The following SYTL1 variants were observed in gnomAD, a reference collection of about 807,000 sequenced individuals.
The protein encoded by SYTL1 is synaptotagmin like 1.
A neutral mutation model predicts 74.6 loss-of-function variants in SYTL1; 53 were observed. The observed-to-expected ratio is 0.71, with a 90% CI of 0.57 to 0.89. The LOEUF (loss-of-function observed/expected upper bound fraction) is 0.89, where lower values mean the gene tolerates loss of function less well. SYTL1 is among the 40% of genes least tolerant of loss of function. SYTL1 has a pLI of 0.00. For missense variants in SYTL1, 728 were observed against 768.7 expected (o/e 0.95, Z 0.63); for synonymous variants, 329 against 324.9 (o/e 1.01, Z -0.14).
rs903664976 is a variant in SYTL1 at position 27,342,535 on chromosome 1, A to T, written c.-39+385A>T. Among the ~76,000 whole-genome samples the T allele has an allele frequency of 6.6e-6, 1 of 152,088 alleles. No individual in the cohort carries two copies. Among genetic ancestry groups the T allele is most frequent in the Non-Finnish European group, 1.5e-5 (1 of 68,022 alleles). On this transcript the variant is annotated intron_variant, in intron 1 of 14. Transcript: ENST00000616558. This position sits in a 1 kb window ranked among gnomAD's most constrained non-coding sequence, Gnocchi z 4.7. The stretch of plus-strand genomic sequence containing the variant: ...CCTCCATCCACACTCAGACACACAC[A>T]CCTGGTGGCCCCCAAGGCACCAGGG...
At chr1:27,344,537 G>C (rs1198493146) in intron 1 of SYTL1, among the ~76,000 whole-genome samples, 1 of 150,150 alleles carries the variant, frequency 6.7e-6, no homozygotes, top group African/African-American at 2.4e-5. Flanking sequence ...CACCGCGCCT[G>C]GCCACTGTGT....
intron 1 of SYTL1, among the ~76,000 whole-genome samples, chr1:27,344,396 T>C (rs530066378): frequency 7.1e-4 from 108 of 151,728 alleles, no homozygotes; most frequent in Middle Eastern, 6.8e-3. Context: ...AGCCACTGTA[T>C]CTGGCCATAA....
chr1:27,351,443 AG>A lies in SYTL1; in HGVS notation c.1244-12del. 1 of 1,516,924 alleles carries A rather than the reference AG, an allele frequency of 6.6e-7. No individual in the cohort carries two copies. Among genetic ancestry groups the A allele is most frequent in the South Asian group, 1.3e-5 (1 of 79,792 alleles). 94.0% of individuals were successfully genotyped at this position (1,516,924 alleles called of 1,614,324 possible). ...TCCATCCGTGTGCGGGCCTGAGCCG[AG>A]CCTCTCCGCAGGCGCAGGACTGCCC... On this transcript the variant is annotated splice_polypyrimidine_tract_variant and intron_variant, in intron 12 of 14. Transcript: ENST00000616558. This position sits in a 1 kb window ranked among gnomAD's most constrained non-coding sequence, Gnocchi z 5.0.
At position 27,347,500 on chromosome 1, in the gene SYTL1, C is replaced by T. The variant is rs767919219; in HGVS notation, c.271C>T (p.Arg91Trp). Residue 91 changes from arginine (R) to tryptophan (W), a missense_variant, in exon 3 of 15, where the codon CGG becomes TGG. Coordinates refer to ENST00000616558, the MANE Select transcript of SYTL1 (RefSeq NM_001193308.2). The surrounding 1 kb of genome is among the most constrained non-coding windows in gnomAD (Gnocchi z 4.9). ...CTGGTTCCAGGAAGCACGCTCCCAG[C>T]GGCACCACAATGCCCACTTCGGCTC... ...GDWFQEARSQ[R>W]HHNAHFGSDL... is the part of the protein sequence containing the mutation. The T allele has an allele frequency of 9.9e-6, 16 of 1,613,986 alleles. No homozygotes were observed. Among genetic ancestry groups the T allele is most frequent in the African/African-American group, 5.3e-5 (4 of 74,940 alleles).
At position 27,349,749 on chromosome 1, in the gene SYTL1, G is replaced by C. The variant is rs1303220386; in HGVS notation, c.731G>C (p.Ser244Thr). The C allele has an allele frequency of 1.2e-6, 2 of 1,604,842 alleles. No homozygotes were observed. Among genetic ancestry groups the C allele is most frequent in the Admixed American group, 1.7e-5 (1 of 59,800 alleles). The change falls in exon 8 of 15, where the codon AGC (serine) becomes ACC (threonine). Residue 244 changes from serine to threonine, a missense_variant. Physicochemically the swap from Ser to Thr is moderately conservative, Grantham distance 58. Coordinates refer to ENST00000616558, the MANE Select transcript of SYTL1 (RefSeq NM_001193308.2). ...CTCAGCAGCAGCTCCTCGGTGTCCA[G>C]CCTTAACTCCTCCACGGTGAGGCGG... is the stretch of plus-strand genomic sequence containing the variant. ...RMLSSSSSVS[S>T]LNSSTLSGSQ... is the part of the protein sequence containing the mutation.
chr1:27,348,147 C>A lies in SYTL1; in HGVS notation c.459+135C>A. 1.2e-6 allele frequency: 1 copy of A among 832,366 alleles called. No individual in the cohort carries two copies. Among genetic ancestry groups the A allele is most frequent in the Non-Finnish European group, 2.0e-6 (1 of 500,166 alleles). 51.6% of individuals were successfully genotyped at this position (832,366 alleles called of 1,614,324 possible). A position where few individuals can be genotyped will look rare whatever the true frequency, so the allele number is the denominator to read the frequency against. On this transcript the variant is annotated intron_variant, in intron 5 of 14. Coordinates refer to ENST00000616558, the MANE Select transcript of SYTL1 (RefSeq NM_001193308.2). This position sits in a 1 kb window ranked among gnomAD's most constrained non-coding sequence, Gnocchi z 4.1. ...GTTCCTTCCTGTGTCTGCACCTCAT[C>A]ACCTCCTGGGTGGAACAGTGGTGAA...
intron 13 of SYTL1, chr1:27,352,106 G>C (rs2015302960): frequency 6.6e-6 from 1 of 152,226 alleles, no homozygotes; most frequent in African/African-American, 2.4e-5. Context: ...TTAAGAGGCT[G>C]AGGCGGGTGG....
At position 27,345,219 on chromosome 1, in the gene SYTL1, G is replaced by A. The variant is rs1421864798; in HGVS notation, c.-38-78G>A. ...CCTACCCATACCCGGCCAAGTGTTT[G>A]GGGAGAAAAGGGCTGTTGGTTCTAG... is the stretch of plus-strand genomic sequence containing the variant. On this transcript the variant is annotated intron_variant, in intron 1 of 14. Coordinates refer to ENST00000616558, the MANE Select transcript of SYTL1 (RefSeq NM_001193308.2). This position sits in a 1 kb window ranked among gnomAD's most constrained non-coding sequence, Gnocchi z 6.0. The A allele has an allele frequency of 1.3e-6, 1 of 790,424 alleles. No individual in the cohort carries two copies. The highest frequency in any genetic ancestry group is 1.9e-6 in the Non-Finnish European group (1 of 529,506). 49.0% of individuals were successfully genotyped at this position (790,424 alleles called of 1,614,324 possible).
chr1:27,347,533 G>A lies in SYTL1; in HGVS notation c.304G>A (p.Val102Ile). 6.2e-7 allele frequency: 1 copy of A among 1,614,094 alleles called. No homozygotes were observed. The change falls in exon 3 of 15, where the codon GTC (valine) becomes ATC (isoleucine). Residue 102 changes from valine (V) to isoleucine (I), a missense_variant. Coordinates refer to ENST00000616558, the MANE Select transcript of SYTL1 (RefSeq NM_001193308.2). The surrounding 1 kb of genome is among the most constrained non-coding windows in gnomAD (Gnocchi z 4.9). ...HHNAHFGSDL[V>I]RASMRRKKST... ...CAATGCCCACTTCGGCTCTGACCTT[G>A]TCCGAGCGTCTATGCGCAGGAAGAA...
At position 27,349,470 on chromosome 1, in the gene SYTL1, A is replaced by G. The variant is rs1433862115; in HGVS notation, c.605A>G (p.Glu202Gly). Residue 202 changes from glutamate (E) to glycine (G), a missense_variant, in exon 7 of 15, where the codon GAG becomes GGG. Physicochemically the swap from Glu to Gly is moderately conservative, Grantham distance 98. Transcript: ENST00000616558. ...GAGCTGGAGCCCGCGTCGGGGGGAG[A>G]GCAGGAGCCGCGGCCCCAGCAAGCC... ...DPELEPASGG[E>G]QEPRPQQAQT... The G allele has an allele frequency of 6.9e-7, 1 of 1,454,044 alleles. No homozygotes were observed. The highest frequency in any genetic ancestry group is 9.1e-7 in the Non-Finnish European group (1 of 1,102,800). 90.1% of individuals were successfully genotyped at this position (1,454,044 alleles called of 1,614,324 possible). A position where few individuals can be genotyped will look rare whatever the true frequency, so the allele number is the denominator to read the frequency against.
At position 27,350,536 on chromosome 1, in the gene SYTL1, T is replaced by G; in HGVS notation, c.1005+51T>G. 2 of 1,475,182 alleles carry G rather than the reference T, an allele frequency of 1.4e-6. No individual in the cohort carries two copies. The highest frequency in any genetic ancestry group is 1.4e-5 in the African/African-American group (1 of 72,610). The allele number at this position is 1,475,182 out of a possible 1,614,324, so 91.4% of individuals were successfully genotyped here. ...CCCCGTTAATGAACTGGACGCCCCCTTCCTGCGGGGCTAGGTGGCAAGGGC... is the reference window on the plus strand; with the variant it reads ...CCCCGTTAATGAACTGGACGCCCCCGTCCTGCGGGGCTAGGTGGCAAGGGC... On this transcript the variant is annotated intron_variant, in intron 10 of 14. Coordinates refer to ENST00000616558, the MANE Select transcript of SYTL1 (RefSeq NM_001193308.2). This position sits in a 1 kb window ranked among gnomAD's most constrained non-coding sequence, Gnocchi z 6.3.
Position 27,348,256 on chromosome 1 carries a change from A to G in SYTL1, c.459+244A>G, listed in dbSNP as rs897212243. ...GGTATATGGACCCAGCCTCTAAGGG[A>G]ACTTCTGAATCTGGCTATTAAGGGG... On this transcript the variant is annotated intron_variant, in intron 5 of 14. Coordinates refer to ENST00000616558, the MANE Select transcript of SYTL1 (RefSeq NM_001193308.2). This position sits in a 1 kb window ranked among gnomAD's most constrained non-coding sequence, Gnocchi z 4.1. Among the ~76,000 whole-genome samples the G allele has an allele frequency of 3.3e-5, 5 of 152,004 alleles. No individual in the cohort carries two copies. Among genetic ancestry groups the G allele is most frequent in the African/African-American group, 1.2e-4 (5 of 41,388 alleles).
At position 27,350,816 on chromosome 1, in the gene SYTL1, T is replaced by C; in HGVS notation, c.1028T>C (p.Leu343Pro). ...CAGTACTCCGTCCCGCAGGCCGAGC[T>C]TCAGGGCCGCGTGCTGAGCCTGTCT... is the stretch of plus-strand genomic sequence containing the variant. ...TLRYSVPQAE[L>P]QGRVLSLSVW... is the part of the protein sequence containing the mutation. The change falls in exon 11 of 15, where the codon CTT becomes CCT. Residue 343 changes from leucine (L) to proline (P), a missense_variant. Physicochemically the swap from Leu to Pro is moderately conservative, Grantham distance 98. Coordinates refer to ENST00000616558, the MANE Select transcript of SYTL1 (RefSeq NM_001193308.2). This position sits in a 1 kb window ranked among gnomAD's most constrained non-coding sequence, Gnocchi z 6.3. 1 of 1,613,808 alleles carries C rather than the reference T, an allele frequency of 6.2e-7. No individual in the cohort carries two copies. The highest frequency in any genetic ancestry group is 8.5e-7 in the Non-Finnish European group (1 of 1,180,028).
Position 27,349,391 on chromosome 1 carries a change from A to C in SYTL1, c.533-7A>C. The C allele has an allele frequency of 6.9e-7, 1 of 1,444,852 alleles. No individual in the cohort carries two copies. Among genetic ancestry groups the C allele is most frequent in the South Asian group, 1.5e-5 (1 of 67,420 alleles). 89.5% of individuals were successfully genotyped at this position (1,444,852 alleles called of 1,614,324 possible). A position where few individuals can be genotyped will look rare whatever the true frequency, so the allele number is the denominator to read the frequency against. On this transcript the variant is annotated splice_region_variant and splice_polypyrimidine_tract_variant and intron_variant, in intron 6 of 14. Transcript: ENST00000616558. ...GGGCTCGCTTAGCATCTCGTGCCCC[A>C]CCCCAGATCCTGGCCAAGGAGACCA...
chr1:27,353,521 G>C (rs2015373182), intron 14 of SYTL1, 33 bp downstream of exon 14: 1 of 1,574,436 alleles, frequency 6.4e-7, no homozygotes, highest in South Asian at 1.2e-5. Flanking sequence ...ACAGGCCCTG[G>C]GACAGGCCCT....
Position 27,350,706 on chromosome 1 carries a change from A to T in SYTL1, c.1006-88A>T. ...CTCCCCAGAATTCCATCATGGTAGGAACGCGGTAGGACCTGCCTCAGCCAA... is the reference window on the plus strand; with the variant it reads ...CTCCCCAGAATTCCATCATGGTAGGTACGCGGTAGGACCTGCCTCAGCCAA... On this transcript the variant is annotated intron_variant, in intron 10 of 14. Transcript: ENST00000616558. The surrounding 1 kb of genome is among the most constrained non-coding windows in gnomAD (Gnocchi z 6.3). 1 of 1,488,050 alleles carries T rather than the reference A, an allele frequency of 6.7e-7. No individual in the cohort carries two copies. 92.2% of individuals were successfully genotyped at this position (1,488,050 alleles called of 1,614,324 possible).
intron 2 of SYTL1, among the ~76,000 whole-genome samples, chr1:27,346,533 C>T (rs938548909): frequency 1.3e-5 from 2 of 152,092 alleles, no homozygotes; most frequent in African/African-American, 2.4e-5. Flanking sequence ...GAGGCTGAGA[C>T]GGGAGGATTG....
rs1433222458 is a variant in SYTL1, at chr1:27,347,955, C to T, written c.414-12C>T. On this transcript the variant is annotated splice_polypyrimidine_tract_variant and intron_variant, in intron 4 of 14. Coordinates refer to ENST00000616558, the MANE Select transcript of SYTL1 (RefSeq NM_001193308.2). The surrounding 1 kb of genome is among the most constrained non-coding windows in gnomAD (Gnocchi z 4.9). The stretch of plus-strand genomic sequence containing the variant: ...GTCCCTCCCTCTGAGAGCGTCCTCT[C>T]CCTACTCCTAGGCTCACCATTGATG... 1 of 1,614,026 alleles carries T rather than the reference C, an allele frequency of 6.2e-7. No homozygotes were observed. Among genetic ancestry groups the T allele is most frequent in the Non-Finnish European group, 8.5e-7 (1 of 1,180,004 alleles).
In SYTL1 at chr1:27,347,925, C is replaced by T; in HGVS notation, c.414-42C>T. The T allele has an allele frequency of 6.2e-7, 1 of 1,613,986 alleles. No homozygotes were observed. Among genetic ancestry groups the T allele is most frequent in the South Asian group, 1.1e-5 (1 of 91,082 alleles). On this transcript the variant is annotated intron_variant, in intron 4 of 14. Coordinates refer to ENST00000616558, the MANE Select transcript of SYTL1 (RefSeq NM_001193308.2). The surrounding 1 kb of genome is among the most constrained non-coding windows in gnomAD (Gnocchi z 4.9). ...AGGGGGAGATGGTGCCCACCAGTCA[C>T]CAGGGTCCCTCCCTCTGAGAGCGTC...
Sources: gnomAD v4.1 joint callset for allele counts (sites outside exome capture counted in the v4.1 genomes callset) on GRCh38, gnomAD v4.1.1 for gene constraint, Gnocchi (gnomAD v3.1) non-coding constraint, MANE v1.5 for transcripts, NCBI Gene and HGNC (gene_info 2026-07-23, HGNC 2026-07-21) for gene names.